The following OSBPL8 variants were observed in gnomAD, a reference collection of about 807,000 sequenced individuals.
OSBPL8 encodes oxysterol-binding protein-related protein 8.
Under a neutral mutation model 125.5 loss-of-function variants are expected in OSBPL8, and 59 were observed. The observed-to-expected ratio is 0.47, with a 90% CI of 0.38 to 0.58. The LOEUF (loss-of-function observed/expected upper bound fraction) is 0.58. Among genes scored for constraint, OSBPL8 ranks in the 20% least tolerant of loss-of-function variants. The probability of loss-of-function intolerance (pLI) is 0.00; values close to 1 mark genes in which losing one functional copy is unlikely to be tolerated. For synonymous variants in OSBPL8, 330 were observed against 338.9 expected, an observed-to-expected ratio of 0.97 and a Z score of 0.29; for missense variants, 758 against 1,047.8, an observed-to-expected ratio of 0.72 and a Z score of 3.82.
intron 4 of OSBPL8, among the ~76,000 whole-genome samples, chr12:76,427,974 G>A (rs75262762): frequency 0.011 from 1,708 of 152,028 alleles, 33 homozygotes; most frequent in African/African-American, 0.039. Flanking sequence ...GTTGTTTCAT[G>A]TTGTTTTAGG....
intron 21 of OSBPL8, among the ~76,000 whole-genome samples, chr12:76,362,793 A>G (rs1952259509): frequency 6.6e-6 from 1 of 152,234 alleles, no homozygotes; most frequent in Non-Finnish European, 1.5e-5. Flanking sequence ...CCATCGTCTC[A>G]GCCCAAAATC....
At chr12:76,385,970 C>T in intron 14 of OSBPL8, 198 bp downstream of exon 14, 2 of 668,572 alleles carry the variant, frequency 3.0e-6, no homozygotes, top group Non-Finnish European at 4.3e-6. Context: ...TCAAAGGATT[C>T]CATGACTGTA....
intron 22 of OSBPL8, 118 bp from the exon 23 acceptor site, chr12:76,356,846 T>C: frequency 1.6e-6 from 1 of 617,646 alleles, no homozygotes; most frequent in Non-Finnish European, 2.8e-6. Flanking sequence ...GAGATTAGCA[T>C]AGTAATATGA....
intron 21 of OSBPL8, among the ~76,000 whole-genome samples, chr12:76,360,861 C>T (rs1241111662): frequency 2.6e-5 from 4 of 152,152 alleles, no homozygotes; most frequent in Non-Finnish European, 4.4e-5. Flanking sequence ...GCACCAAGTC[C>T]CTAGGCTGCA....
rs1034173607 is a variant in OSBPL8, at chr12:76,354,590, C to G, written c.*1299G>C. 1.3e-5 allele frequency: 2 copies of G among 151,580 alleles called. No individual in the cohort carries two copies. The highest frequency in any genetic ancestry group is 3.0e-5 in the Non-Finnish European group (2 of 67,780). 9.4% of individuals were successfully genotyped at this position (151,580 alleles called of 1,614,324 possible). On this transcript the variant is annotated 3_prime_UTR_variant, in exon 24 of 24. Coordinates refer to ENST00000261183, the MANE Select transcript of OSBPL8 (RefSeq NM_020841.5). ...CAGGATTCTAAGACATATTTTAGAA[C>G]AACATATTCCTAAACTGAACTACCT...
intron 1 of OSBPL8, among the ~76,000 whole-genome samples, chr12:76,523,143 C>T (rs941494261): frequency 6.6e-6 from 1 of 152,126 alleles, no homozygotes; most frequent in Non-Finnish European, 1.5e-5. Context: ...CAGCCAGGTT[C>T]CTATCTAGAG....
chr12:76,518,372 T>C (rs1365470366), intron 1 of OSBPL8, among the ~76,000 whole-genome samples: 1 of 152,176 alleles, frequency 6.6e-6, no homozygotes, highest in Non-Finnish European at 1.5e-5. Flanking sequence ...CCACTGTGGC[T>C]TTGCAGGGTA....
chr12:76,384,434 C>T, intron 14 of OSBPL8, 84 bp from the exon 15 acceptor site: 4 of 753,950 alleles, frequency 5.3e-6, no homozygotes, highest in Non-Finnish European at 7.7e-6. Context: ...TATTATTGTG[C>T]CATTATCAAA....
intron 15 of OSBPL8, among the ~76,000 whole-genome samples, chr12:76,379,835 T>A (rs1952969072): frequency 6.6e-6 from 1 of 152,350 alleles, no homozygotes. Context: ...TACAAGTCTT[T>A]ATGTAGACAT....
At chr12:76,465,698 A>C (rs893590480) in intron 2 of OSBPL8, among the ~76,000 whole-genome samples, 13 of 151,944 alleles carry the variant, frequency 8.6e-5, no homozygotes, top group Non-Finnish European at 1.9e-4. Context: ...AATAGCAAGC[A>C]TGTAGTCATT....
rs764680090 is a variant in OSBPL8 at position 76,397,687 on chromosome 12, T to C, written c.672+7A>G. ...ACCTTTCACCTATGTAACAAGGGCT[T>C]ACATACCTTCACTGCCCAAATAGAT... On this transcript the variant is annotated splice_region_variant and intron_variant, in intron 8 of 23. Coordinates refer to ENST00000261183, the MANE Select transcript of OSBPL8 (RefSeq NM_020841.5). 30 of 1,612,716 alleles carry C rather than the reference T, an allele frequency of 1.9e-5. No individual in the cohort carries two copies. The East Asian group carries it at 6.7e-4, about 36-fold the overall frequency.
chr12:76,530,220 CTTTTTT>C (rs59016280), intron 1 of OSBPL8, among the ~76,000 whole-genome samples: 2 of 107,222 alleles, frequency 1.9e-5, no homozygotes, highest in African/African-American at 7.8e-5. Context: ...CCGGGCCTGG[CTTTTTT>C]TTTTTTTTTT....
chr12:76,529,267 C>T (rs898578777), intron 1 of OSBPL8, among the ~76,000 whole-genome samples: 1 of 152,098 alleles, frequency 6.6e-6, no homozygotes, highest in Non-Finnish European at 1.5e-5. Context: ...AATGCTAAAA[C>T]TTCAGAAAAA....
At position 76,389,754 on chromosome 12, in the gene OSBPL8, G is replaced by C. The variant is rs1449157972; in HGVS notation, c.1243C>G (p.Arg415Gly). The change falls in exon 12 of 24, where the codon CGT becomes GGT. Residue 415 changes from arginine to glycine, a missense_variant. Arg to Gly is a moderately radical substitution (Grantham distance 125). This residue lies in a region of OSBPL8 where 572 missense variants were observed against 762.0 expected (regional missense o/e 0.75). Transcript: ENST00000261183. ...ACCTTGGATAGGTCCATGCCAGGAC[G>C]GACTTGTTTCAATAGTGTCCAGATA... ...SLIWTLLKQVRPGMDLSKVVL... is the reference protein window; with the variant it reads ...SLIWTLLKQVGPGMDLSKVVL... 6.2e-7 allele frequency: 1 copy of C among 1,603,258 alleles called. No individual in the cohort carries two copies.
chr12:76,457,012 A>G (rs534291178), intron 3 of OSBPL8, among the ~76,000 whole-genome samples: 4 of 152,328 alleles, frequency 2.6e-5, no homozygotes, highest in Admixed American at 6.5e-5. Context: ...GGTACTTCAC[A>G]TGGGTCCCAT....
At chr12:76,470,256 A>C (rs1014320748) in intron 2 of OSBPL8, among the ~76,000 whole-genome samples, 1 of 152,184 alleles carries the variant, frequency 6.6e-6, no homozygotes, top group African/African-American at 2.4e-5. Flanking sequence ...GAAAAACTTT[A>C]CTGCCCACTA....
chr12:76,544,867 T>C (rs1035243111), intron 1 of OSBPL8, among the ~76,000 whole-genome samples: 2 of 152,022 alleles, frequency 1.3e-5, no homozygotes, highest in African/African-American at 4.8e-5. Context: ...AATAATTCCA[T>C]CTGTAAAACA....
At position 76,371,550 on chromosome 12, in the gene OSBPL8, T is replaced by G; in HGVS notation, c.1952A>C (p.Asp651Ala). Residue 651 changes from aspartate (D) to alanine (A), a missense_variant, in exon 19 of 24, where the codon GAT becomes GCT. Physicochemically the swap from Asp to Ala is moderately radical, Grantham distance 126 (BLOSUM62 -2). Coordinates refer to ENST00000261183, the MANE Select transcript of OSBPL8 (RefSeq NM_020841.5). ...TGGATTCCAGAAAACCTCTGAATTA[T>G]CAGTCTTTTTATCAGTAATAAAAAC... ...SEVFITDKKT[D>A]NSEVFWNPTP... 6.2e-7 allele frequency: 1 copy of G among 1,609,788 alleles called. No individual in the cohort carries two copies. Among genetic ancestry groups the G allele is most frequent in the Non-Finnish European group, 8.5e-7 (1 of 1,177,946 alleles).
At chr12:76,435,075 T>G (rs1016229786) in intron 4 of OSBPL8, among the ~76,000 whole-genome samples, 3 of 152,090 alleles carry the variant, frequency 2.0e-5, no homozygotes, top group Admixed American at 1.3e-4. Context: ...ATAGCATTAC[T>G]CACAATAGCG....
Sources: allele counts gnomAD v4.1 joint callset (sites outside exome capture counted in the v4.1 genomes callset), GRCh38; gene constraint gnomAD v4.1.1; regional missense constraint gnomAD v4.1.1; transcripts MANE v1.5; gene names NCBI Gene and HGNC (gene_info 2026-07-23, HGNC 2026-07-21).